GARIN2: variants seen among roughly 807,000 people sequenced by gnomAD.
GARIN2 encodes Golgi-associated RAB2 interactor protein 2.
the GARIN2 span, among the ~76,000 whole-genome samples, chr14:67,222,293 TG>T: frequency 6.6e-6 from 1 of 152,290 alleles, no homozygotes; most frequent in Non-Finnish European, 1.5e-5. Context: ...TTTGTTTGTT[TG>T]TTTGTTGTTG....
chr14:67,190,810 A>G, the GARIN2 span, among the ~76,000 whole-genome samples: 1 of 152,348 alleles, frequency 6.6e-6, no homozygotes, highest in East Asian at 1.9e-4. Flanking sequence ...GTTTATTAGT[A>G]TAGTAAGAAT....
At chr14:67,199,517 G>C in the GARIN2 span, 10 of 1,612,538 alleles carry the variant, frequency 6.2e-6, no homozygotes, top group Non-Finnish European at 5.9e-6. Context: ...TGCTTCATTT[G>C]ATGCTTCAGT....
At chr14:67,203,574 C>G in the GARIN2 span, among the ~76,000 whole-genome samples, 1 of 152,202 alleles carries the variant, frequency 6.6e-6, no homozygotes, top group Non-Finnish European at 1.5e-5. Flanking sequence ...TCCACAGCAT[C>G]CCAGCTTCCA....
chr14:67,221,108 C>T, the GARIN2 span, among the ~76,000 whole-genome samples: 4 of 152,114 alleles, frequency 2.6e-5, no homozygotes, highest in Non-Finnish European at 5.9e-5. Flanking sequence ...TGATTATTAT[C>T]AGTTTTAAAA....
chr14:67,224,308 G>A, the GARIN2 span, among the ~76,000 whole-genome samples: 1 of 150,398 alleles, frequency 6.6e-6, no homozygotes. Context: ...GCCCAGGCTG[G>A]AGCGCAGTGG....
chr14:67,193,544 TATCTATATATAGATCTATATCTATATAG>T, the GARIN2 span, among the ~76,000 whole-genome samples: 1 of 141,894 alleles, frequency 7.0e-6, no homozygotes, highest in Non-Finnish European at 1.5e-5. Flanking sequence ...TAGAAATATA[TATCTATATATAGATCTATATCTATATAG>T]ATCTATATAT....
the GARIN2 span, among the ~76,000 whole-genome samples, chr14:67,191,314 G>C: frequency 6.6e-6 from 1 of 152,186 alleles, no homozygotes; most frequent in South Asian, 2.1e-4. Flanking sequence ...TTTCACTATA[G>C]AAATCTTTCA....
At chr14:67,225,283 A>T in the GARIN2 span, 1 of 1,461,318 alleles carries the variant, frequency 6.8e-7, no homozygotes, top group Non-Finnish European at 9.0e-7. Context: ...TTTAATTATA[A>T]GTCTCTATAG....
chr14:67,198,496 A>T, the GARIN2 span, among the ~76,000 whole-genome samples: 1 of 152,198 alleles, frequency 6.6e-6, no homozygotes, highest in Non-Finnish European at 1.5e-5. Context: ...GTTAAAGGAC[A>T]TTTACTTCAA....
chr14:67,192,836 AT>A, the GARIN2 span, among the ~76,000 whole-genome samples: 1 of 146,284 alleles, frequency 6.8e-6, no homozygotes, highest in Non-Finnish European at 1.5e-5. Flanking sequence ...AGATCTATAT[AT>A]ATATCTATAT....
chr14:67,204,579 G>A, the GARIN2 span: 33 of 1,613,394 alleles, frequency 2.0e-5, no homozygotes, highest in South Asian at 9.9e-5. Context: ...TGCATGATGC[G>A]GAGAACATGA....
the GARIN2 span, chr14:67,208,332 A>G: frequency 2.5e-6 from 4 of 1,614,014 alleles, no homozygotes; most frequent in Non-Finnish European, 3.4e-6. Flanking sequence ...AGATATTTTC[A>G]AACTACCTTG....
the GARIN2 span, among the ~76,000 whole-genome samples, chr14:67,225,996 C>CT: frequency 6.6e-6 from 1 of 150,574 alleles, no homozygotes; most frequent in Non-Finnish European, 1.5e-5. Flanking sequence ...CGTGCATGCT[C>CT]ATAAGGGCTG....
the GARIN2 span, chr14:67,198,954 A>C: frequency 9.1e-5 from 64 of 702,320 alleles, no homozygotes; most frequent in East Asian, 9.4e-4. Context: ...ATTACCTCTA[A>C]CTCTTAATAC....
chr14:67,193,360 A>G, the GARIN2 span, among the ~76,000 whole-genome samples: 1 of 133,840 alleles, frequency 7.5e-6, no homozygotes, highest in Admixed American at 7.5e-5. Context: ...ATAGAGATAT[A>G]TAATCTATCT....
the GARIN2 span, among the ~76,000 whole-genome samples, chr14:67,193,559 C>A: frequency 1.1e-4 from 15 of 139,592 alleles, no homozygotes; most frequent in Non-Finnish European, 1.9e-4. Context: ...ATATATAGAT[C>A]TATATCTATA....
At chr14:67,211,863 T>C in the GARIN2 span, among the ~76,000 whole-genome samples, 4 of 152,136 alleles carry the variant, frequency 2.6e-5, no homozygotes, top group African/African-American at 9.7e-5. Flanking sequence ...TAAATACTTA[T>C]CATTTATTAT....
the GARIN2 span, chr14:67,221,997 A>G: frequency 1.6e-6 from 1 of 643,414 alleles, no homozygotes; most frequent in East Asian, 3.0e-5. Context: ...GCCGATCCTC[A>G]GGCTATCTTT....
the GARIN2 span, among the ~76,000 whole-genome samples, chr14:67,190,958 G>A: frequency 2.0e-5 from 3 of 152,226 alleles, no homozygotes; most frequent in South Asian, 6.2e-4. Flanking sequence ...ATGTAGCCAG[G>A]TGCAGTGGCT....
Sources: allele counts gnomAD v4.1 joint callset (sites outside exome capture counted in the v4.1 genomes callset), GRCh38; gene constraint gnomAD v4.1.1; transcripts MANE v1.5; gene names NCBI Gene and HGNC (gene_info 2026-07-23, HGNC 2026-07-21).